The following FGF14 variants were observed in gnomAD, a reference collection of about 807,000 sequenced individuals.
The protein encoded by FGF14 is fibroblast growth factor 14, also known as fibroblast growth factor homologous factor 4.
Under a neutral mutation model 25.5 loss-of-function variants are expected in FGF14, and 5 were observed. The observed-to-expected ratio is 0.20, with a 90% CI of 0.10 to 0.41. The LOEUF (loss-of-function observed/expected upper bound fraction) is 0.41. FGF14 is among the 10% of genes least tolerant of loss of function. FGF14 has a pLI of 1.00. For synonymous variants in FGF14, 138 were observed against 118.3 expected, an observed-to-expected ratio of 1.17 and a Z score of -1.08; for missense variants, 222 against 320.1, an observed-to-expected ratio of 0.69 and a Z score of 2.34.
At chr13:101,767,032 G>C (rs1413488040) in intron 3 of FGF14, among the ~76,000 whole-genome samples, 1 of 152,118 alleles carries the variant, frequency 6.6e-6, no homozygotes, top group African/African-American at 2.4e-5. Context: ...ATGTTTGTCT[G>C]TTTATTCTCT....
At chr13:101,909,158 T>C (rs2032609371) in intron 1 of FGF14, among the ~76,000 whole-genome samples, 1 of 152,150 alleles carries the variant, frequency 6.6e-6, no homozygotes, top group South Asian at 2.1e-4. Context: ...ACCTAGGCAA[T>C]ACCATTCAGG....
intron 1 of FGF14, among the ~76,000 whole-genome samples, chr13:102,087,985 T>C (rs1265317509): frequency 1.3e-5 from 2 of 152,200 alleles, no homozygotes; most frequent in Non-Finnish European, 2.9e-5. Context: ...TATATGTATG[T>C]AAAAATAATT....
At chr13:102,198,707 T>C (rs1044950917) in intron 1 of FGF14, among the ~76,000 whole-genome samples, 1 of 152,162 alleles carries the variant, frequency 6.6e-6, no homozygotes, top group Non-Finnish European at 1.5e-5. Context: ...TTGACTGTCA[T>C]TTAAATATTG....
intron 1 of FGF14, among the ~76,000 whole-genome samples, chr13:101,964,975 G>A (rs1206510863): frequency 2.0e-5 from 3 of 151,964 alleles, no homozygotes; most frequent in Admixed American, 2.0e-4. Context: ...GGCATAGTGG[G>A]TCATGCCTGT....
intron 1 of FGF14, among the ~76,000 whole-genome samples, chr13:102,294,224 T>A (rs547310607): frequency 1.3e-4 from 20 of 152,280 alleles, no homozygotes; most frequent in African/African-American, 4.3e-4. Flanking sequence ...GAAAACATAT[T>A]TATTCAAATA....
At chr13:101,898,390 G>T (rs1007347611) in intron 1 of FGF14, among the ~76,000 whole-genome samples, 19 of 135,778 alleles carry the variant, frequency 1.4e-4, no homozygotes, top group Non-Finnish European at 2.8e-4. Flanking sequence ...CCCCAGAAAT[G>T]AGTATTGACA....
intron 3 of FGF14, among the ~76,000 whole-genome samples, chr13:101,845,106 C>T (rs2043384873): frequency 6.6e-6 from 1 of 151,986 alleles, no homozygotes; most frequent in South Asian, 2.1e-4. Context: ...CAGGTAATGT[C>T]AGCAACTCAG....
At chr13:102,154,979 T>C (rs1171720043) in intron 1 of FGF14, among the ~76,000 whole-genome samples, 2 of 152,188 alleles carry the variant, frequency 1.3e-5, no homozygotes, top group African/African-American at 4.8e-5. Flanking sequence ...TAAATATATA[T>C]GCACCAAATA....
At chr13:102,378,922 A>G (rs2058110755) in intron 1 of FGF14, among the ~76,000 whole-genome samples, 1 of 152,136 alleles carries the variant, frequency 6.6e-6, no homozygotes, top group South Asian at 2.1e-4. Context: ...AAACTGGCCC[A>G]TCGATATCAA....
intron 1 of FGF14, among the ~76,000 whole-genome samples, chr13:102,314,098 G>GA (rs11318887): frequency 4.6e-5 from 7 of 151,724 alleles, no homozygotes; most frequent in African/African-American, 1.7e-4. Context: ...ATTACGTATT[G>GA]AAAAAAAATG....
At chr13:101,871,001 T>A (rs2045042800) in intron 2 of FGF14, among the ~76,000 whole-genome samples, 1 of 151,698 alleles carries the variant, frequency 6.6e-6, no homozygotes, top group Non-Finnish European at 1.5e-5. Flanking sequence ...CATACATACA[T>A]ACATAAAACA....
At chr13:102,387,708 G>T (rs1303298331) in intron 1 of FGF14, among the ~76,000 whole-genome samples, 2 of 148,214 alleles carry the variant, frequency 1.3e-5, no homozygotes, top group African/African-American at 4.9e-5. Context: ...CCACTAGGCA[G>T]TTTTTTTTTT....
At chr13:102,158,156 C>G (rs2047437528) in intron 1 of FGF14, among the ~76,000 whole-genome samples, 1 of 152,158 alleles carries the variant, frequency 6.6e-6, no homozygotes, top group Non-Finnish European at 1.5e-5. Context: ...TTTGACCCAG[C>G]AATCCCTTAC....
At position 102,052,440 on chromosome 13, in the gene FGF14, G is replaced by A. The variant is rs538942161; in HGVS notation, c.209-177144C>T. On this transcript the variant is annotated intron_variant, in intron 1 of 4. Coordinates refer to the FGF14 transcript ENST00000376131. ...GACTATACCAAGACATATTGTAACC[G>A]ATTTTTCAAAAATTGGATTTCTGAA... Among the ~76,000 whole-genome samples, 55 of 151,670 alleles carry A rather than the reference G, an allele frequency of 3.6e-4. 1 individual carries two copies. The East Asian group carries it at 8.9e-3, about 25-fold the overall frequency.
intron 3 of FGF14, among the ~76,000 whole-genome samples, chr13:101,842,416 A>G (rs1244636964): frequency 6.6e-6 from 1 of 152,044 alleles, no homozygotes; most frequent in East Asian, 1.9e-4. Flanking sequence ...AAATGGAAAA[A>G]TAAAGATCCT....
chr13:101,737,491 G>C (rs1221346017), intron 3 of FGF14, among the ~76,000 whole-genome samples: 1 of 152,106 alleles, frequency 6.6e-6, no homozygotes, highest in Non-Finnish European at 1.5e-5. Context: ...TTTGTGTCTT[G>C]CTATATCCTA....
At chr13:102,029,733 T>A (rs538350098) in intron 1 of FGF14, among the ~76,000 whole-genome samples, 1 of 152,108 alleles carries the variant, frequency 6.6e-6, no homozygotes, top group Non-Finnish European at 1.5e-5. Flanking sequence ...TCCACTCCCA[T>A]CACTTATCTA....
At chr13:101,729,924 G>T (rs2035697940) in intron 3 of FGF14, among the ~76,000 whole-genome samples, 1 of 152,156 alleles carries the variant, frequency 6.6e-6, no homozygotes, top group African/African-American at 2.4e-5. Context: ...AGTGATTATA[G>T]GGAGAATAAA....
At chr13:101,951,261 G>A (rs1046281691) in intron 1 of FGF14, among the ~76,000 whole-genome samples, 1 of 152,154 alleles carries the variant, frequency 6.6e-6, no homozygotes, top group African/African-American at 2.4e-5. Context: ...GATGCATGTT[G>A]TAGAAGGTTG....
Sources: allele counts gnomAD v4.1 joint callset (sites outside exome capture counted in the v4.1 genomes callset), GRCh38; gene constraint gnomAD v4.1.1; transcripts MANE v1.5; gene names NCBI Gene and HGNC (gene_info 2026-07-23, HGNC 2026-07-21).